Variants in PLCB1 observed in about 807,000 individuals in gnomAD.
PLCB1 encodes 1-phosphatidylinositol 4,5-bisphosphate phosphodiesterase beta-1.
A neutral mutation model predicts 161.8 loss-of-function variants in PLCB1; 46 were observed. That is an observed-to-expected ratio of 0.28 (90% CI 0.22 to 0.36). PLCB1 has a LOEUF of 0.36. PLCB1 is among the 10% of genes least tolerant of loss of function. PLCB1 has a pLI of 1.00. For synonymous variants in PLCB1, 517 were observed against 503.7 expected, an observed-to-expected ratio of 1.03 and a Z score of -0.35; for missense variants, 1,016 against 1,472.5, an observed-to-expected ratio of 0.69 and a Z score of 5.07.
chr20:8,788,463 G>A lies in PLCB1; in HGVS notation c.3126G>A (p.Leu1042=). Reference sequence around the variant, plus strand: ...TCTTTTTCCAGCTTATTCAAAAGTTGACGGATGTCGCAGAAGAGTGTCAGA... The same window carrying A: ...TCTTTTTCCAGCTTATTCAAAAGTTAACGGATGTCGCAGAAGAGTGTCAGA... ...REHIKLLIQK[L]TDVAEECQNN... The change falls in exon 28 of 32, where the codon TTG becomes TTA. Residue 1042 remains leucine (L), a synonymous_variant. Coordinates refer to ENST00000338037, the MANE Select transcript of PLCB1 (RefSeq NM_015192.4). 1 of 1,613,242 alleles carries A rather than the reference G, an allele frequency of 6.2e-7. No homozygotes were observed.
chr20:8,324,773 C>T (rs1238431216), intron 2 of PLCB1, among the ~76,000 whole-genome samples: 2 of 152,182 alleles, frequency 1.3e-5, no homozygotes, highest in Non-Finnish European at 2.9e-5. Context: ...TCATAAACAT[C>T]AGCATCTCTA....
chr20:8,145,968 AG>A (rs764655515), intron 1 of PLCB1, among the ~76,000 whole-genome samples: 8 of 152,212 alleles, frequency 5.3e-5, no homozygotes, highest in Non-Finnish European at 1.2e-4. Flanking sequence ...AGTAGTCACA[AG>A]GGAGCCACAG....
chr20:8,433,823 T>C (rs1980174014), intron 3 of PLCB1, among the ~76,000 whole-genome samples: 2 of 152,154 alleles, frequency 1.3e-5, no homozygotes, highest in African/African-American at 2.4e-5. Flanking sequence ...TGTCTACTTG[T>C]ACATAGATGC....
chr20:8,616,960 A>G (rs539782625), intron 3 of PLCB1, among the ~76,000 whole-genome samples: 4 of 152,290 alleles, frequency 2.6e-5, no homozygotes, highest in Non-Finnish European at 5.9e-5. Flanking sequence ...AGTGGATTCT[A>G]TTTATGTATC....
chr20:8,655,441 A>G (rs1024401861), intron 7 of PLCB1, among the ~76,000 whole-genome samples: 3 of 152,102 alleles, frequency 2.0e-5, no homozygotes, highest in Admixed American at 1.3e-4. Context: ...ACAGAATTGT[A>G]TAGCTGGGAG....
At chr20:8,804,676 C>G (rs1159225092) in intron 31 of PLCB1, among the ~76,000 whole-genome samples, 1 of 151,882 alleles carries the variant, frequency 6.6e-6, no homozygotes, top group Non-Finnish European at 1.5e-5. Context: ...CAGCTGAAAA[C>G]AAAATGATGA....
At chr20:8,324,617 C>T (rs1985070566) in intron 2 of PLCB1, among the ~76,000 whole-genome samples, 1 of 152,062 alleles carries the variant, frequency 6.6e-6, no homozygotes, top group Admixed American at 6.6e-5. Flanking sequence ...TGGGGACTTC[C>T]TGATTATTTT....
chr20:8,427,244 A>G (rs1246012005), intron 3 of PLCB1, among the ~76,000 whole-genome samples: 2 of 152,184 alleles, frequency 1.3e-5, no homozygotes, highest in Admixed American at 6.5e-5. Context: ...TGGTTTTATA[A>G]TAATGAAGAA....
intron 5 of PLCB1, among the ~76,000 whole-genome samples, chr20:8,647,431 T>C (rs1418324359): frequency 6.6e-6 from 1 of 152,232 alleles, no homozygotes. Flanking sequence ...GTTGCACACA[T>C]CTAGCTTTGG....
chr20:8,834,375 C>G (rs1460208926), intron 31 of PLCB1, among the ~76,000 whole-genome samples: 1 of 151,686 alleles, frequency 6.6e-6, no homozygotes, highest in Non-Finnish European at 1.5e-5. Flanking sequence ...AGAGTTCCCC[C>G]GAGAAATTGA....
chr20:8,872,849 AACAC>A (rs1431736922), intron 31 of PLCB1, among the ~76,000 whole-genome samples: 1 of 152,114 alleles, frequency 6.6e-6, no homozygotes, highest in East Asian at 1.9e-4. Flanking sequence ...TCAGCACTCC[AACAC>A]CCGGCATCCT....
chr20:8,655,114 A>G (rs1283497825), intron 7 of PLCB1, among the ~76,000 whole-genome samples: 1 of 152,090 alleles, frequency 6.6e-6, no homozygotes, highest in Non-Finnish European at 1.5e-5. Flanking sequence ...GTTTATTCAG[A>G]TTATCTCTTT....
intron 2 of PLCB1, among the ~76,000 whole-genome samples, chr20:8,236,670 A>G (rs762648798): frequency 6.6e-6 from 1 of 152,076 alleles, no homozygotes; most frequent in East Asian, 1.9e-4. Flanking sequence ...AAATACTTCT[A>G]CACAAAACAA....
chr20:8,684,870 AG>A, intron 9 of PLCB1, 61 bp from the exon 10 acceptor site: 26 of 1,330,474 alleles, frequency 2.0e-5, no homozygotes, highest in South Asian at 5.4e-5. Context: ...AAAAAAAAAA[AG>A]AGGCGACTTG....
chr20:8,706,981 A>G (rs191083381), intron 11 of PLCB1, among the ~76,000 whole-genome samples: 6 of 152,348 alleles, frequency 3.9e-5, no homozygotes, highest in East Asian at 3.9e-4. Context: ...GCAAGGATTC[A>G]AAAGTCGGTT....
intron 27 of PLCB1, among the ~76,000 whole-genome samples, chr20:8,782,617 C>T (rs1354778077): frequency 6.6e-6 from 1 of 152,154 alleles, no homozygotes; most frequent in Non-Finnish European, 1.5e-5. Flanking sequence ...GTCTCAAACT[C>T]CTGGCTTTGA....
chr20:8,271,786 G>A (rs1982298053), intron 2 of PLCB1, among the ~76,000 whole-genome samples: 2 of 152,108 alleles, frequency 1.3e-5, no homozygotes. Context: ...TGTATGGGCT[G>A]AAGCATCCTA....
At position 8,588,888 on chromosome 20, in the gene PLCB1, A is replaced by G. The variant is rs141611413; in HGVS notation, c.247-39406A>G. Among the ~76,000 whole-genome samples the G allele has an allele frequency of 2.1e-3, 324 of 152,258 alleles. 1 individual carries two copies. Among genetic ancestry groups the G allele is most frequent in the Middle Eastern group, 0.01 (3 of 294 alleles). On this transcript the variant is annotated intron_variant, in intron 3 of 31. Transcript: ENST00000338037. The stretch of plus-strand genomic sequence containing the variant: ...TTGTAATTTTCCCCATTCCCTCTCC[A>G]GTCACAAAACTAGAACACAATCTTG...
At chr20:8,819,456 GT>G (rs1985232428) in intron 31 of PLCB1, among the ~76,000 whole-genome samples, 1 of 152,080 alleles carries the variant, frequency 6.6e-6, no homozygotes, top group South Asian at 2.1e-4. Flanking sequence ...GAAAAGGAAG[GT>G]TTTTCTTTAC....
Sources: allele counts gnomAD v4.1 joint callset (sites outside exome capture counted in the v4.1 genomes callset), GRCh38; gene constraint gnomAD v4.1.1; transcripts MANE v1.5; gene names NCBI Gene and HGNC (gene_info 2026-07-23, HGNC 2026-07-21).